Variants in ADGRL2 observed in about 807,000 individuals in gnomAD.
ADGRL2 encodes the protein adhesion G protein-coupled receptor L2, also known as calcium-independent alpha-latrotoxin receptor 2.
In ADGRL2, 44 loss-of-function variants were observed where a neutral mutation model predicts 157.4. The observed-to-expected ratio is 0.28, with a 90% CI of 0.22 to 0.36. The LOEUF (loss-of-function observed/expected upper bound fraction) is 0.36. Among genes scored for constraint, ADGRL2 ranks in the 10% least tolerant of loss-of-function variants. The pLI, the probability that ADGRL2 is intolerant of heterozygous loss-of-function variation, is 1.00. For missense variants in ADGRL2, 1,510 were observed against 1,768.9 expected, an observed-to-expected ratio of 0.85 and a Z score of 2.63; for synonymous variants, 585 against 624.7, an observed-to-expected ratio of 0.94 and a Z score of 0.95.
At chr1:81,781,302 G>T (rs1234448632) in intron 2 of ADGRL2, among the ~76,000 whole-genome samples, 1 of 152,092 alleles carries the variant, frequency 6.6e-6, no homozygotes, top group Non-Finnish European at 1.5e-5. Flanking sequence ...GAGCTTTGTG[G>T]AGGTGCTGCA....
intron 3 of ADGRL2, among the ~76,000 whole-genome samples, chr1:81,592,670 GA>G (rs1319057214): frequency 6.6e-6 from 1 of 152,180 alleles, no homozygotes; most frequent in African/African-American, 2.4e-5. Flanking sequence ...GGCAAAGGAA[GA>G]AAGCTAAGCA....
chr1:81,519,690 A>C (rs1427513085), intron 2 of ADGRL2, among the ~76,000 whole-genome samples: 1 of 152,180 alleles, frequency 6.6e-6, no homozygotes, highest in African/African-American at 2.4e-5. Flanking sequence ...ATTTCCTAAG[A>C]GTTAGGCATT....
chr1:81,600,410 C>A (rs1055364826), intron 3 of ADGRL2, among the ~76,000 whole-genome samples: 1 of 152,180 alleles, frequency 6.6e-6, no homozygotes. Context: ...CTATGGCCAG[C>A]ATAGACAAGA....
intron 2 of ADGRL2, among the ~76,000 whole-genome samples, chr1:81,576,939 T>A (rs540044962): frequency 6.6e-6 from 1 of 152,120 alleles, no homozygotes; most frequent in Non-Finnish European, 1.5e-5. Context: ...ATAGACATCA[T>A]GTTGTTGGAT....
intron 11 of ADGRL2, among the ~76,000 whole-genome samples, chr1:81,960,526 G>A (rs1439328645): frequency 6.9e-6 from 1 of 144,100 alleles, no homozygotes; most frequent in Admixed American, 6.9e-5. Context: ...CCAGGCTGGA[G>A]TGCAGTGGCA....
At chr1:81,934,262 A>G (rs1296350651) in intron 3 of ADGRL2, among the ~76,000 whole-genome samples, 1 of 152,062 alleles carries the variant, frequency 6.6e-6, no homozygotes, top group East Asian at 1.9e-4. Flanking sequence ...GTTGTTCAGA[A>G]AGAGTAAATA....
chr1:81,698,477 A>T (rs1241840812), upstream of ADGRL2, among the ~76,000 whole-genome samples: 1 of 152,222 alleles, frequency 6.6e-6, no homozygotes, highest in Non-Finnish European at 1.5e-5. Context: ...AACTCATTAC[A>T]TGTCAATCTT....
At chr1:81,528,286 T>A (rs1000935787) in intron 2 of ADGRL2, among the ~76,000 whole-genome samples, 1 of 152,122 alleles carries the variant, frequency 6.6e-6, no homozygotes, top group South Asian at 2.1e-4. Context: ...ATACAACTGG[T>A]GCCAAAATGA....
intron 3 of ADGRL2, among the ~76,000 whole-genome samples, chr1:81,918,791 TAGAA>T (rs2094916634): frequency 6.6e-6 from 1 of 152,350 alleles, no homozygotes; most frequent in Admixed American, 6.5e-5. Flanking sequence ...ATTGAAGTAT[TAGAA>T]AGGAATATCA....
At chr1:81,572,538 A>T (rs1384256822) in intron 2 of ADGRL2, among the ~76,000 whole-genome samples, 1 of 152,182 alleles carries the variant, frequency 6.6e-6, no homozygotes, top group Admixed American at 6.5e-5. Flanking sequence ...CATTAAACAG[A>T]AGTATTAAAC....
intron 1 of ADGRL2, among the ~76,000 whole-genome samples, chr1:81,355,641 C>A (rs1663228942): frequency 6.6e-6 from 1 of 152,012 alleles, no homozygotes; most frequent in African/African-American, 2.4e-5. Flanking sequence ...GAAAGCATTA[C>A]AGCACAAGAA....
At chr1:81,963,274 A>C (rs546931381) in intron 11 of ADGRL2, among the ~76,000 whole-genome samples, 1 of 152,090 alleles carries the variant, frequency 6.6e-6, no homozygotes, top group East Asian at 1.9e-4. Context: ...GCCTTGCTAA[A>C]TTCTTAGTAT....
intron 1 of ADGRL2, among the ~76,000 whole-genome samples, chr1:81,810,179 T>C (rs1032820628): frequency 3.3e-5 from 5 of 151,992 alleles, no homozygotes; most frequent in African/African-American, 1.2e-4. Flanking sequence ...TCTAATCATT[T>C]ATTCTTAACA....
chr1:81,627,643 T>C (rs917117511), intron 3 of ADGRL2, among the ~76,000 whole-genome samples: 6 of 152,186 alleles, frequency 3.9e-5, no homozygotes, highest in Non-Finnish European at 7.3e-5. Context: ...GTATGATCAT[T>C]CTGGAACTGT....
intron 2 of ADGRL2, among the ~76,000 whole-genome samples, chr1:81,775,940 G>A (rs11163361): frequency 0.044 from 6,639 of 152,210 alleles, 396 homozygotes; most frequent in African/African-American, 0.14. Flanking sequence ...GCCTCAGTAT[G>A]AAGTGATATA....
chr1:81,639,019 G>GCAAGACC (rs1553133700), intron 3 of ADGRL2, among the ~76,000 whole-genome samples: 1 of 152,044 alleles, frequency 6.6e-6, no homozygotes, highest in East Asian at 1.9e-4. Flanking sequence ...AAGAAAAGCA[G>GCAAGACC]CAAGACCCAA....
rs750805812 is a variant in ADGRL2 at position 81,615,602 on chromosome 1, C to A, written c.-143+34622C>A. 5.2e-4 allele frequency among the ~76,000 whole-genome samples: 79 copies of A among 152,286 alleles called. No individual in the cohort carries two copies. The Middle Eastern group carries it at 0.014, about 26-fold the overall frequency. ...CTGTAACACTCACCGCGAGGGTCTGCGGCTTCAATCTTGAAGTCAGCGAGA... is the reference window on the plus strand; with the variant it reads ...CTGTAACACTCACCGCGAGGGTCTGAGGCTTCAATCTTGAAGTCAGCGAGA... On this transcript the variant is annotated intron_variant, in intron 3 of 24. Coordinates refer to the ADGRL2 transcript ENST00000370721.
At chr1:81,666,613 A>C (rs561278) in intron 3 of ADGRL2, among the ~76,000 whole-genome samples, 80,974 of 151,948 alleles carry the variant, frequency 0.53, 22,131 homozygotes, top group African/African-American at 0.66. Flanking sequence ...CTGATGTAAA[A>C]ATGATAATCT....
At chr1:81,661,848 A>T (rs2082657406) in intron 3 of ADGRL2, among the ~76,000 whole-genome samples, 1 of 152,182 alleles carries the variant, frequency 6.6e-6, no homozygotes, top group Non-Finnish European at 1.5e-5. Context: ...AAACAACAGG[A>T]TGGTGCCTCC....
Sources: allele counts gnomAD v4.1 joint callset (sites outside exome capture counted in the v4.1 genomes callset), GRCh38; gene constraint gnomAD v4.1.1; transcripts MANE v1.5; gene names NCBI Gene and HGNC (gene_info 2026-07-23, HGNC 2026-07-21).